Variants in FASN observed in about 807,000 individuals in gnomAD.
FASN encodes the protein fatty acid synthase.
Under a neutral mutation model 250.0 loss-of-function variants are expected in FASN, and 50 were observed. That is an observed-to-expected ratio of 0.20 (90% CI 0.16 to 0.25). FASN has a LOEUF of 0.25. Ranked by LOEUF, FASN falls within the 10% of genes least tolerant of loss-of-function variation. The pLI, the probability that FASN is intolerant of heterozygous loss-of-function variation, is 1.00. For synonymous variants in FASN, 1,909 were observed against 1,584.0 expected (o/e 1.21, Z -4.87); for missense variants, 3,031 against 3,498.5 (o/e 0.87, Z 3.37).
At position 82,084,219 on chromosome 17, in the gene FASN, C is replaced by G; in HGVS notation, c.4919+15G>C. 1.9e-6 allele frequency: 3 copies of G among 1,611,112 alleles called. No homozygotes were observed. The highest frequency in any genetic ancestry group is 2.5e-6 in the Non-Finnish European group (3 of 1,179,188). ...ATCCACGTGGGGCCCAGGCTCACAC[C>G]CTCGACACACTCACCAGTTGGAAGG... On this transcript the variant is annotated intron_variant, in intron 28 of 42. Transcript: ENST00000306749.
At chr17:82,093,180 A>C (rs1052876004) in intron 5 of FASN, 39 bp downstream of exon 5, 1 of 1,546,620 alleles carries the variant, frequency 6.5e-7, no homozygotes, top group African/African-American at 1.4e-5. Context: ...GTCCTGTGCC[A>C]CTGTCCCGCC....
At chr17:82,079,761 C>T (rs2033955339) in intron 41 of FASN, 153 bp from the exon 42 acceptor site, 2 of 1,080,664 alleles carry the variant, frequency 1.9e-6, no homozygotes, top group Middle Eastern at 3.1e-4. Flanking sequence ...ACCGCAACCT[C>T]CACCTACCCG....
chr17:82,079,671 C>T (rs933874242), intron 41 of FASN, 63 bp from the exon 42 acceptor site: 12 of 1,550,742 alleles, frequency 7.7e-6, no homozygotes, highest in Non-Finnish European at 1.0e-5. Context: ...CCCTGTGCTA[C>T]ACTGCGGGTG....
At chr17:82,088,367 C>T (rs963337413) in intron 16 of FASN, 23 bp downstream of exon 16, 11 of 1,611,440 alleles carry the variant, frequency 6.8e-6, no homozygotes, top group Non-Finnish European at 9.3e-6. Flanking sequence ...AAGAGTCTGC[C>T]CACCCGCCGG....
rs770940571 is a variant in FASN at position 82,091,002 on chromosome 17, G to A, written c.1560C>T (p.Ile520=). The change falls in exon 10 of 43, where the codon ATC becomes ATT. Residue 520 remains isoleucine, a synonymous_variant. Coordinates refer to ENST00000306749, the MANE Select transcript of FASN (RefSeq NM_004104.5). ...GCTTCACAGCCTCATCGGAGCGTAG[G>A]ATGGAATCTCGGAAGCGGTCCAGGC... ...LMRLDRFRDS[I]LRSDEAVKPF... is the part of the protein sequence containing the mutation. 9.3e-6 allele frequency: 15 copies of A among 1,612,860 alleles called. No individual in the cohort carries two copies. In the South Asian group the frequency reaches 1.5e-4, roughly 17 times the overall value.
intron 11 of FASN, among the ~76,000 whole-genome samples, chr17:82,090,152 C>T (rs2034176754): frequency 6.6e-6 from 1 of 152,240 alleles, no homozygotes; most frequent in African/African-American, 2.4e-5. Context: ...TCCACGCAGG[C>T]CTGATGCCCA....
chr17:82,088,683 G>C, intron 15 of FASN, 78 bp downstream of exon 15: 2 of 1,517,472 alleles, frequency 1.3e-6, no homozygotes, highest in Non-Finnish European at 1.8e-6. Flanking sequence ...GGGTCAGTGA[G>C]GGGCCCGCAG....
chr17:82,087,897 G>T, intron 18 of FASN, 36 bp from the exon 19 acceptor site: 1 of 1,612,316 alleles, frequency 6.2e-7, no homozygotes, highest in Non-Finnish European at 8.5e-7. Flanking sequence ...CCTGAGGACG[G>T]GCGGCATGGC....
In FASN at chr17:82,083,868, G is replaced by C; in HGVS notation, c.5122C>G (p.Leu1708Val). Residue 1708 changes from leucine to valine, a missense_variant, in exon 30 of 43, where the codon CTC becomes GTC. Physicochemically the swap from Leu to Val is conservative, Grantham distance 32. Coordinates refer to ENST00000306749, the MANE Select transcript of FASN (RefSeq NM_004104.5). ...TCGAGCTGGGGGAACCTGGCCTGGA[G>C]GTACGCCCGCTTCTCAGCCGACCCT... The part of the protein sequence containing the change: ...TVGSAEKRAY[L>V]QARFPQLDST... The C allele has an allele frequency of 6.3e-7, 1 of 1,579,174 alleles. No homozygotes were observed. Among genetic ancestry groups the C allele is most frequent in the African/African-American group, 1.3e-5 (1 of 74,778 alleles).
At position 82,095,456 on chromosome 17, in the gene FASN, G is replaced by A. The variant is rs762176076; in HGVS notation, c.144C>T (p.Pro48=). Residue 48 remains proline, a synonymous_variant, in exon 3 of 43, where the codon CCC becomes CCT. Transcript: ENST00000306749. ...RRWKAGLYGL[P]RRSGKLKDLS... The stretch of plus-strand genomic sequence containing the variant: ...GGTCCTTCAGCTTGCCGGACCGCCG[G>A]GGCAGGCCGTAGAGCCCTGTGGGAC... The A allele has an allele frequency of 5.6e-6, 9 of 1,612,572 alleles. No homozygotes were observed. Among genetic ancestry groups the A allele is most frequent in the Non-Finnish European group, 7.6e-6 (9 of 1,180,002 alleles).
rs1182579907 is a variant in FASN at position 82,082,089 on chromosome 17, T to C, written c.6083A>G (p.Asn2028Ser). 3 of 1,609,648 alleles carry C rather than the reference T, an allele frequency of 1.9e-6. No homozygotes were observed. Among genetic ancestry groups the C allele is most frequent in the South Asian group, 1.1e-5 (1 of 91,090 alleles). Residue 2028 changes from asparagine to serine, a missense_variant, in exon 36 of 43, where the codon AAT (asparagine) becomes AGT (serine). Coordinates refer to ENST00000306749, the MANE Select transcript of FASN (RefSeq NM_004104.5). ...VFSSVSCGRGNAGQSNYGFAN... is the reference protein window; with the variant it reads ...VFSSVSCGRGSAGQSNYGFAN... ...AAAGCCGTAGTTGCTCTGTCCCGCATTGCCACGCCCGCAGCTCACAGAGGA... is the reference window on the plus strand; with the variant it reads ...AAAGCCGTAGTTGCTCTGTCCCGCACTGCCACGCCCGCAGCTCACAGAGGA...
chr17:82,093,848 G>A (rs2034259200), intron 3 of FASN, 77 bp from the exon 4 acceptor site: 9 of 1,459,756 alleles, frequency 6.2e-6, no homozygotes, highest in Admixed American at 2.0e-5. Context: ...CGGCTCTGGG[G>A]CGAAGGTCCC....
Position 82,085,812 on chromosome 17 carries a change from G to T in FASN, c.3792C>A (p.Pro1264=). ...TGGCCGTGTAGCTCAGCTGCAGCAG[G>T]GGATGGGGGCTGAGCAGGCCTGGGA... The part of the protein sequence containing the change: ...SRIPGLLSPH[P]LLQLSYTATD... Residue 1264 remains proline (P), a synonymous_variant, in exon 23 of 43, where the codon CCC becomes CCA. Transcript: ENST00000306749. 6.4e-7 allele frequency: 1 copy of T among 1,561,978 alleles called. No individual in the cohort carries two copies. Among genetic ancestry groups the T allele is most frequent in the East Asian group, 2.3e-5 (1 of 42,856 alleles).
At chr17:82,096,554 C>T in intron 1 of FASN, 102 bp from the exon 2 acceptor site, 2 of 1,560,782 alleles carry the variant, frequency 1.3e-6, no homozygotes, top group Admixed American at 1.7e-5. Flanking sequence ...GGCCAAGCAC[C>T]ACCCTGAGGG....
At chr17:82,082,708 G>A (rs2034012662) in intron 33 of FASN, 30 bp from the exon 34 acceptor site, 1 of 1,604,018 alleles carries the variant, frequency 6.2e-7, no homozygotes, top group African/African-American at 1.3e-5. Flanking sequence ...GGGCTGGACT[G>A]GGCCAGGGTA....
Position 82,084,329 on chromosome 17 carries a change from G to A in FASN, c.4824C>T (p.Ala1608=), listed in dbSNP as rs372352216. 6.2e-7 allele frequency: 1 copy of A among 1,609,594 alleles called. No individual in the cohort carries two copies. The highest frequency in any genetic ancestry group is 1.3e-5 in the African/African-American group (1 of 74,850). The change falls in exon 28 of 43, where the codon GCC becomes GCT. Residue 1608 remains alanine, a synonymous_variant. Transcript: ENST00000306749. ...CCAGTCCCATCACACGCTTGCCGCT[G>A]GCGTCTCGGCCCGAGAACTCCATAC... ...LLGMEFSGRD[A]SGKRVMGLVP... is the part of the protein sequence containing the mutation.
chr17:82,093,224 G>A lies in FASN; in HGVS notation c.650C>T (p.Thr217Ile), dbSNP rs1275500059. ...SPEGTCKAFD[T>I]AGNGYCRSEG... Reference sequence around the variant, plus strand: ...CCGCGCAGCCGCACACTCACCCGCTGTGTCGAAGGCCTTGCAGGTGCCCTC... The same window carrying A: ...CCGCGCAGCCGCACACTCACCCGCTATGTCGAAGGCCTTGCAGGTGCCCTC... The change falls in exon 5 of 43, where the codon ACA becomes ATA. Residue 217 changes from threonine to isoleucine, a missense_variant. Thr to Ile is a moderately conservative substitution (Grantham distance 89, BLOSUM62 -1). Transcript: ENST00000306749. The A allele has an allele frequency of 2.5e-6, 4 of 1,580,286 alleles. No individual in the cohort carries two copies. Among genetic ancestry groups the A allele is most frequent in the Admixed American group, 1.8e-5 (1 of 55,174 alleles).
At chr17:82,094,919 A>G (rs977746295) in intron 3 of FASN, among the ~76,000 whole-genome samples, 151 of 39,038 alleles carry the variant, frequency 3.9e-3, no homozygotes, top group African/African-American at 0.012. Flanking sequence ...GACGTGGGCA[A>G]GGGTAGTGGG....
Position 82,082,163 on chromosome 17 carries a change from G to A in FASN, c.6012-3C>T, listed in dbSNP as rs1412093169. ...CAGGGCACGCCTCTCGGGTCACCCT[G>A]TGGGCACGCGTGTCACTCCCCATTG... On this transcript the variant is annotated splice_region_variant and splice_polypyrimidine_tract_variant and intron_variant, in intron 35 of 42. Coordinates refer to ENST00000306749, the MANE Select transcript of FASN (RefSeq NM_004104.5). 1 of 1,601,856 alleles carries A rather than the reference G, an allele frequency of 6.2e-7. No individual in the cohort carries two copies. The highest frequency in any genetic ancestry group is 1.3e-5 in the African/African-American group (1 of 74,932).
Sources: gnomAD v4.1 joint callset for allele counts (sites outside exome capture counted in the v4.1 genomes callset) on GRCh38, gnomAD v4.1.1 for gene constraint, MANE v1.5 for transcripts, NCBI Gene and HGNC (gene_info 2026-07-23, HGNC 2026-07-21) for gene names.